DAZAP2: variants seen among roughly 807,000 people sequenced by gnomAD.
DAZAP2 encodes DAZ-associated protein 2.
In DAZAP2, 3 loss-of-function variants were observed where a neutral mutation model predicts 16.2. The observed-to-expected ratio is 0.19, with a 90% CI of 0.08 to 0.48. The LOEUF (loss-of-function observed/expected upper bound fraction) is 0.48, where lower values mean the gene tolerates loss of function less well. Ranked by LOEUF, DAZAP2 falls within the 20% of genes least tolerant of loss-of-function variation. The pLI, the probability that DAZAP2 is intolerant of heterozygous loss-of-function variation, is 0.98. For missense variants in DAZAP2, 172 were observed against 215.9 expected (o/e 0.80, Z 1.27); for synonymous variants, 69 against 77.6 (o/e 0.89, Z 0.58).
downstream of DAZAP2, chr12:51,245,303 A>C (rs1431786484): frequency 6.6e-6 from 1 of 152,626 alleles, no homozygotes; most frequent in African/African-American, 2.4e-5. Flanking sequence ...AAAATGTTTA[A>C]GCAAAAATAA....
chr12:51,241,905 G>C (rs1944684034), intron 3 of DAZAP2, among the ~76,000 whole-genome samples: 1 of 150,634 alleles, frequency 6.6e-6, no homozygotes, highest in Admixed American at 6.6e-5. Context: ...TGGGCGACAA[G>C]AGCAAGACTC....
downstream of DAZAP2, chr12:51,244,537 T>C (rs1944738575): frequency 6.6e-6 from 1 of 152,220 alleles, no homozygotes; most frequent in African/African-American, 2.4e-5. Flanking sequence ...GGGTTTGAGC[T>C]TGGACAACAG....
chr12:51,240,544 T>C, intron 2 of DAZAP2, 83 bp downstream of exon 2: 1 of 1,218,602 alleles, frequency 8.2e-7, no homozygotes, highest in Non-Finnish European at 1.2e-6. Context: ...TGACTTCACA[T>C]ATTTACTCTT....
At chr12:51,240,593 T>C in intron 2 of DAZAP2, 132 bp downstream of exon 2, 1 of 956,358 alleles carries the variant, frequency 1.0e-6, no homozygotes, top group South Asian at 1.6e-5. Flanking sequence ...CACTATATAA[T>C]TTGGCAATTT....
rs1419629286 is a variant in DAZAP2 at position 51,239,191 on chromosome 12, C to T, written c.13+271C>T. 17 of 490,790 alleles carry T rather than the reference C, an allele frequency of 3.5e-5. 1 individual carries two copies. The highest frequency in any genetic ancestry group is 2.8e-4 in the South Asian group (11 of 39,682). 30.4% of individuals were successfully genotyped at this position (490,790 alleles called of 1,614,324 possible). On this transcript the variant is annotated intron_variant, in intron 1 of 3. Transcript: ENST00000412716. Reference sequence around the variant, plus strand: ...GGGGGCTTGACATGATGGGCATCCGCAGGAGCAAATAGAGCGCTAGCGCAG... The same window carrying T: ...GGGGGCTTGACATGATGGGCATCCGTAGGAGCAAATAGAGCGCTAGCGCAG...
At chr12:51,242,297 C>T in intron 3 of DAZAP2, 33 bp from the exon 4 acceptor site, 1 of 1,553,768 alleles carries the variant, frequency 6.4e-7, no homozygotes. Flanking sequence ...ATTAGCTGCC[C>T]TGTGCCCATT....
At chr12:51,241,211 G>T in intron 3 of DAZAP2, 95 bp downstream of exon 3, 2 of 1,535,020 alleles carry the variant, frequency 1.3e-6, no homozygotes, top group East Asian at 4.5e-5. Context: ...CTGGATGATA[G>T]TTGCCAGTGT....
At chr12:51,242,281 G>A (rs1053166394) in intron 3 of DAZAP2, 49 bp from the exon 4 acceptor site, 7 of 1,527,096 alleles carry the variant, frequency 4.6e-6, no homozygotes, top group South Asian at 1.3e-5. Flanking sequence ...TGTCCCCTTC[G>A]CTTATATTAG....
At chr12:51,240,216 C>T in intron 1 of DAZAP2, 127 bp from the exon 2 acceptor site, 1 of 725,210 alleles carries the variant, frequency 1.4e-6, no homozygotes, top group Non-Finnish European at 2.4e-6. Flanking sequence ...AGGAATCAGG[C>T]CCTCTGGGGC....
Position 51,243,320 on chromosome 12 carries a change from G to T in DAZAP2, c.*862G>T. The T allele has an allele frequency of 2.0e-6, 2 of 985,854 alleles. No homozygotes were observed. Among genetic ancestry groups the T allele is most frequent in the Non-Finnish European group, 2.4e-6 (2 of 829,950 alleles). The allele number at this position is 985,854 out of a possible 1,614,324, so 61.1% of individuals were successfully genotyped here. A position where few individuals can be genotyped will look rare whatever the true frequency, so the allele number is the denominator to read the frequency against. Reference sequence around the variant, plus strand: ...TTAAAATATGAGGGGCAAGGAGGAGGATGCATTTCAAAAGCTTGATTGATG... The same window carrying T: ...TTAAAATATGAGGGGCAAGGAGGAGTATGCATTTCAAAAGCTTGATTGATG... On this transcript the variant is annotated 3_prime_UTR_variant, in exon 4 of 4. Transcript: ENST00000412716.
rs1471865040 is a variant in DAZAP2 at position 51,242,355 on chromosome 12, A to G, written c.404A>G (p.Asn135Ser). ...IPPPPPGCPP[N>S]AAQLAVMQGA... ...CCTCCACCTCCTGGATGCCCTCCCA[A>G]TGCTGCTCAGCTTGCAGTCATGCAG... Residue 135 changes from asparagine to serine, a missense_variant, in exon 4 of 4, where the codon AAT (asparagine) becomes AGT (serine). Asn to Ser is a conservative substitution (Grantham distance 46). Transcript: ENST00000412716. 3.7e-6 allele frequency: 6 copies of G among 1,609,290 alleles called. No homozygotes were observed. Among genetic ancestry groups the G allele is most frequent in the Non-Finnish European group, 4.2e-6 (5 of 1,177,486 alleles).
Position 51,242,294 on chromosome 12 carries a change from G to A in DAZAP2, c.379-36G>A, listed in dbSNP as rs201345162. ...TATGTCCCCTTCGCTTATATTAGCT[G>A]CCCTGTGCCCATTCTATCATGTCAT... On this transcript the variant is annotated intron_variant, in intron 3 of 3. Coordinates refer to ENST00000412716, the MANE Select transcript of DAZAP2 (RefSeq NM_014764.4). The A allele has an allele frequency of 1.1e-3, 1,721 of 1,549,298 alleles. 4 individuals are homozygous for A. Among genetic ancestry groups the A allele is most frequent in the Middle Eastern group, 5.9e-3 (34 of 5,740 alleles).
At chr12:51,245,405 T>G (rs1313896842), downstream of DAZAP2, 1 of 152,848 alleles carries the variant, frequency 6.5e-6, no homozygotes, top group African/African-American at 2.4e-5. Flanking sequence ...AGCATGAGGT[T>G]GTTGGGGAAC....
downstream of DAZAP2, chr12:51,246,378 T>G: frequency 2.0e-6 from 1 of 497,518 alleles, no homozygotes; most frequent in Non-Finnish European, 3.5e-6. Context: ...AACCAGTTCC[T>G]GATTCTTAAA....
Position 51,238,954 on chromosome 12 carries a change from G to A in DAZAP2, c.13+34G>A, listed in dbSNP as rs367909524. 9 of 1,612,272 alleles carry A rather than the reference G, an allele frequency of 5.6e-6. No homozygotes were observed. The African/African-American group carries it at 6.7e-5, about 12-fold the overall frequency. On this transcript the variant is annotated intron_variant, in intron 1 of 3. Coordinates refer to ENST00000412716, the MANE Select transcript of DAZAP2 (RefSeq NM_014764.4). ...CGAGGGTGGCAGAGGCCGTCGGGGGGAGTACTGCTGGCCCAGAGCGAGCGG... is the reference window on the plus strand; with the variant it reads ...CGAGGGTGGCAGAGGCCGTCGGGGGAAGTACTGCTGGCCCAGAGCGAGCGG...
At chr12:51,245,699 G>A (rs1358111486), downstream of DAZAP2, 1 of 463,548 alleles carries the variant, frequency 2.2e-6, no homozygotes, top group Non-Finnish European at 3.9e-6. Flanking sequence ...ACATCTTGTT[G>A]GCCAGTCACA....
At chr12:51,239,879 T>C (rs1274609942) in intron 1 of DAZAP2, 3 of 168,298 alleles carry the variant, frequency 1.8e-5, no homozygotes, top group Non-Finnish European at 2.6e-5. Flanking sequence ...CACGGTTCAC[T>C]TCCATCATTC....
At chr12:51,239,078 A>G in intron 1 of DAZAP2, 158 bp downstream of exon 1, 1 of 1,053,954 alleles carries the variant, frequency 9.5e-7, no homozygotes, top group Non-Finnish European at 1.3e-6. Context: ...CGCCTTCGTC[A>G]TACCCAAATT....
chr12:51,246,486 TC>T (rs1944771137), downstream of DAZAP2: 3 of 442,084 alleles, frequency 6.8e-6, no homozygotes, highest in Non-Finnish European at 1.2e-5. Flanking sequence ...ACCACATATA[TC>T]CTCGTCCCTA....
Sources: allele counts gnomAD v4.1 joint callset (sites outside exome capture counted in the v4.1 genomes callset), GRCh38; gene constraint gnomAD v4.1.1; transcripts MANE v1.5; gene names NCBI Gene and HGNC (gene_info 2026-07-23, HGNC 2026-07-21).